Variants in ZNF383 observed in about 807,000 individuals in gnomAD.
ZNF383 encodes the protein zinc finger protein 383.
Under a neutral mutation model 44.2 loss-of-function variants are expected in ZNF383, and 32 were observed. The ratio of observed to expected loss-of-function variants is 0.72; its 90% CI spans 0.55 to 0.97. The LOEUF is 0.97. Ranked by LOEUF, ZNF383 falls within the 50% of genes least tolerant of loss-of-function variation. ZNF383 has a pLI of 0.00. For synonymous variants in ZNF383, 155 were observed against 186.2 expected, an observed-to-expected ratio of 0.83 and a Z score of 1.36; for missense variants, 487 against 562.5, an observed-to-expected ratio of 0.87 and a Z score of 1.36.
chr19:37,224,640 C>T (rs2145480861), intron 1 of ZNF383, among the ~76,000 whole-genome samples, 178 bp from the exon 2 acceptor site: 1 of 152,088 alleles, frequency 6.6e-6, no homozygotes, highest in Middle Eastern at 3.4e-3. Context: ...GCAAACTCGA[C>T]CTTCCAGGCT....
Position 37,242,513 on chromosome 19 carries a change from G to C in ZNF383, c.277G>C (p.Glu93Gln). 2.5e-6 allele frequency: 4 copies of C among 1,611,542 alleles called. No homozygotes were observed. Among genetic ancestry groups the C allele is most frequent in the Non-Finnish European group, 3.4e-6 (4 of 1,178,740 alleles). Residue 93 changes from glutamate to glutamine, a missense_variant, in exon 6 of 6, where the codon GAA (glutamate) becomes CAA (glutamine). By Grantham distance (29) the Glu-to-Gln change is conservative (BLOSUM62 2). Coordinates refer to ENST00000684119, the MANE Select transcript of ZNF383 (RefSeq NM_001387601.1). ...AACCAAGTTATTATCTCTAAAGAAGGAAGTTTATGAAATAGAATTATGCCA... is the reference window on the plus strand; with the variant it reads ...AACCAAGTTATTATCTCTAAAGAAGCAAGTTTATGAAATAGAATTATGCCA... ...CETKLLSLKK[E>Q]VYEIELCQRE...
intron 1 of ZNF383, among the ~76,000 whole-genome samples, chr19:37,224,548 T>A (rs955997423): frequency 2.6e-5 from 4 of 152,012 alleles, no homozygotes; most frequent in African/African-American, 9.7e-5. Flanking sequence ...TTTTCTGGTT[T>A]TTTGTTTTTT....
At chr19:37,222,339 CATT>C (rs1972963815) in intron 1 of ZNF383, among the ~76,000 whole-genome samples, 1 of 152,038 alleles carries the variant, frequency 6.6e-6, no homozygotes, top group Non-Finnish European at 1.5e-5. Context: ...ATAGTGAACA[CATT>C]ATTATTGCTG....
chr19:37,225,791 AT>A lies in ZNF383; in HGVS notation c.-46+868del, dbSNP rs375895708. 7.2e-3 allele frequency among the ~76,000 whole-genome samples: 1,042 copies of A among 143,786 alleles called. 5 individuals are homozygous for A. Among genetic ancestry groups the A allele is most frequent in the African/African-American group, 0.022 (870 of 39,134 alleles). 94.3% of individuals were successfully genotyped at this position (143,786 alleles called of 152,430 possible). ...TACTTTTTATTATCATTCAGTTTAAATTTTTTTTTTTTTTTTGAGAAGGAGT... is the reference window on the plus strand; with the variant it reads ...TACTTTTTATTATCATTCAGTTTAAATTTTTTTTTTTTTTTGAGAAGGAGT... On this transcript the variant is annotated intron_variant, in intron 2 of 5. Coordinates refer to ENST00000684119, the MANE Select transcript of ZNF383 (RefSeq NM_001387601.1).
chr19:37,242,711 C>A lies in ZNF383; in HGVS notation c.475C>A (p.Leu159Ile). ...PTFIQQTFLTLHQIINNEDRP... is the reference protein window; with the variant it reads ...PTFIQQTFLTIHQIINNEDRP... Reference sequence around the variant, plus strand: ...ATTTATTCAACAGACATTCCTTACTCTCCATCAAATAATTAATAATGAAGA... The same window carrying A: ...ATTTATTCAACAGACATTCCTTACTATCCATCAAATAATTAATAATGAAGA... The change falls in exon 6 of 6, where the codon CTC becomes ATC. Residue 159 changes from leucine (L) to isoleucine (I), a missense_variant. Transcript: ENST00000684119. 1 of 1,613,996 alleles carries A rather than the reference C, an allele frequency of 6.2e-7. No individual in the cohort carries two copies. Among genetic ancestry groups the A allele is most frequent in the Non-Finnish European group, 8.5e-7 (1 of 1,179,972 alleles).
chr19:37,235,730 C>T (rs773893005), intron 4 of ZNF383, 55 bp downstream of exon 4: 47 of 1,518,698 alleles, frequency 3.1e-5, no homozygotes, highest in Non-Finnish European at 4.1e-5. Flanking sequence ...TCTCCTTCTT[C>T]CACAGTGAAT....
chr19:37,236,116 C>A, intron 5 of ZNF383, 42 bp downstream of exon 5: 1 of 1,509,316 alleles, frequency 6.6e-7, no homozygotes, highest in Admixed American at 1.8e-5. Flanking sequence ...CACGATAGGT[C>A]AGAACTCAGC....
Position 37,235,588 on chromosome 19 carries a change from CAGG to C in ZNF383, c.55_57del (p.Glu19del). 1 of 1,613,978 alleles carries C rather than the reference CAGG, an allele frequency of 6.2e-7. No homozygotes were observed. Among genetic ancestry groups the C allele is most frequent in the East Asian group, 2.2e-5 (1 of 44,866 alleles). ...CAGTGATGTGTCCATAGACTTCTCTCAGGAGGAGTGGGACTGCCTGGACCCTGT... is the reference window on the plus strand; with the variant it reads ...CAGTGATGTGTCCATAGACTTCTCTCAGGAGTGGGACTGCCTGGACCCTGT... On this transcript the variant is annotated inframe_deletion, in exon 4 of 6. Transcript: ENST00000684119.
rs979638746 is a variant in ZNF383 at position 37,244,165 on chromosome 19, C to A, written c.*501C>A. The A allele has an allele frequency of 6.6e-6, 1 of 152,098 alleles. No individual in the cohort carries two copies. Among genetic ancestry groups the A allele is most frequent in the Non-Finnish European group, 1.5e-5 (1 of 68,102 alleles). 9.4% of individuals were successfully genotyped at this position (152,098 alleles called of 1,614,324 possible). A position where few individuals can be genotyped will look rare whatever the true frequency, so the allele number is the denominator to read the frequency against. On this transcript the variant is annotated 3_prime_UTR_variant, in exon 6 of 6. Transcript: ENST00000684119. ...GTGGCGCAATCTCGGCTCGCTGCAA[C>A]CTCCACCTCCCGGCTTCAAGCAATT...
intron 5 of ZNF383, among the ~76,000 whole-genome samples, chr19:37,240,621 A>T (rs1363957445): frequency 6.6e-6 from 1 of 152,162 alleles, no homozygotes; most frequent in East Asian, 1.9e-4. Context: ...TACATAAGCA[A>T]GTCTCCTCTC....
In ZNF383 at chr19:37,235,684, A is replaced by T. The variant is rs373482360; in HGVS notation, c.136+9A>T. 4.1e-4 allele frequency: 651 copies of T among 1,597,490 alleles called. 6 individuals are homozygous for T. In the South Asian group the frequency reaches 6.0e-3, roughly 15 times the overall value. On this transcript the variant is annotated intron_variant, in intron 4 of 5. Transcript: ENST00000684119. ...CAATCTGGTTTCAATGGGTAAGGGC[A>T]TCTGTACCAGTGATTCCCAGTTCTC...
intron 2 of ZNF383, among the ~76,000 whole-genome samples, chr19:37,229,614 A>ATAT (rs1555782475): frequency 7.8e-6 from 1 of 128,804 alleles, no homozygotes; most frequent in Non-Finnish European, 1.6e-5. Flanking sequence ...ATATATATAT[A>ATAT]TGTGTGTGTG....
At chr19:37,220,203 A>G (rs1016538636) in intron 1 of ZNF383, among the ~76,000 whole-genome samples, 3 of 152,140 alleles carry the variant, frequency 2.0e-5, no homozygotes, top group South Asian at 2.1e-4. Context: ...AAAATTATGT[A>G]TGGTTCTTAT....
rs539896187 is a variant in ZNF383 at position 37,243,804 on chromosome 19, G to A, written c.*140G>A. ...GTATTTCATTCCAGGTTATAAATTC[G>A]GAGTCTAAAGTGACATTCCCTCTCT... On this transcript the variant is annotated 3_prime_UTR_variant, in exon 6 of 6. Coordinates refer to ENST00000684119, the MANE Select transcript of ZNF383 (RefSeq NM_001387601.1). 20 of 578,540 alleles carry A rather than the reference G, an allele frequency of 3.5e-5. No homozygotes were observed. Among genetic ancestry groups the A allele is most frequent in the African/African-American group, 1.9e-4 (10 of 53,664 alleles). 35.8% of individuals were successfully genotyped at this position (578,540 alleles called of 1,614,324 possible). A position where few individuals can be genotyped will look rare whatever the true frequency, so the allele number is the denominator to read the frequency against.
intron 5 of ZNF383, among the ~76,000 whole-genome samples, chr19:37,240,069 G>A (rs1490930618): frequency 6.6e-6 from 1 of 151,830 alleles, no homozygotes; most frequent in Admixed American, 6.6e-5. Flanking sequence ...TGAGGCAGGG[G>A]AATCGCTTGA....
rs1974324797 is a variant in ZNF383, at chr19:37,245,389, C to T, written c.*1725C>T. On this transcript the variant is annotated 3_prime_UTR_variant, in exon 6 of 6. Transcript: ENST00000684119. ...CCTTGTGAGCTGTTTTGTTCCCTTACATCAATCCTAATCCCAATGCCATAC... is the reference window on the plus strand; with the variant it reads ...CCTTGTGAGCTGTTTTGTTCCCTTATATCAATCCTAATCCCAATGCCATAC... 6.6e-6 allele frequency: 1 copy of T among 152,168 alleles called. No individual in the cohort carries two copies. The highest frequency in any genetic ancestry group is 1.5e-5 in the Non-Finnish European group (1 of 68,028). The allele number at this position is 152,168 out of a possible 1,614,324, so 9.4% of individuals were successfully genotyped here.
At chr19:37,224,180 G>C (rs1973051193) in intron 1 of ZNF383, among the ~76,000 whole-genome samples, 1 of 152,078 alleles carries the variant, frequency 6.6e-6, no homozygotes, top group African/African-American at 2.4e-5. Flanking sequence ...AAAATTTTTA[G>C]TTTATTTGGT....
chr19:37,235,657 G>A lies in ZNF383; in HGVS notation c.118G>A (p.Gly40Ser), dbSNP rs758471230. Residue 40 changes from glycine (G) to serine (S), a missense_variant, in exon 4 of 6, where the codon GGC becomes AGC. Physicochemically the swap from Gly to Ser is moderately conservative, Grantham distance 56 (BLOSUM62 0). Coordinates refer to ENST00000684119, the MANE Select transcript of ZNF383 (RefSeq NM_001387601.1). Reference protein sequence around the residue: ...LYRDVMLENYGNLVSMGLYTP... With the variant: ...LYRDVMLENYSNLVSMGLYTP... ...CAGAGATGTGATGTTGGAGAACTAC[G>A]GCAATCTGGTTTCAATGGGTAAGGG... is the stretch of plus-strand genomic sequence containing the variant. The A allele has an allele frequency of 5.6e-6, 9 of 1,610,946 alleles. No individual in the cohort carries two copies. The highest frequency in any genetic ancestry group is 2.7e-5 in the African/African-American group (2 of 74,826).
chr19:37,233,967 C>A (rs559242386), intron 3 of ZNF383, among the ~76,000 whole-genome samples: 1 of 151,920 alleles, frequency 6.6e-6, no homozygotes, highest in Non-Finnish European at 1.5e-5. Context: ...CAGGTTCAAG[C>A]GATTCTCCTG....
Sources: allele counts gnomAD v4.1 joint callset (sites outside exome capture counted in the v4.1 genomes callset), GRCh38; gene constraint gnomAD v4.1.1; transcripts MANE v1.5; gene names NCBI Gene and HGNC (gene_info 2026-07-23, HGNC 2026-07-21).